Variants in TGFA observed in about 807,000 individuals in gnomAD.
TGFA encodes protransforming growth factor alpha.
TGFA carries 12 observed loss-of-function variants against 21.7 expected under a neutral mutation model. The ratio of observed to expected loss-of-function variants is 0.55; its 90% CI spans 0.35 to 0.90. TGFA has a LOEUF of 0.90. Ranked by LOEUF, TGFA falls within the 40% of genes least tolerant of loss-of-function variation. The pLI, the probability that TGFA is intolerant of heterozygous loss-of-function variation, is 0.01. For missense variants in TGFA, 178 were observed against 210.8 expected (o/e 0.84, Z 0.96); for synonymous variants, 79 against 88.1 (o/e 0.90, Z 0.58).
chr2:70,473,348 A>T (rs1412391404), intron 2 of TGFA, among the ~76,000 whole-genome samples: 2 of 151,982 alleles, frequency 1.3e-5, no homozygotes, highest in African/African-American at 4.8e-5. Flanking sequence ...GCCCAGAGAG[A>T]CTTGGTGAGC....
intron 2 of TGFA, among the ~76,000 whole-genome samples, chr2:70,491,712 T>C (rs1671443214): frequency 6.6e-6 from 1 of 152,178 alleles, no homozygotes; most frequent in Non-Finnish European, 1.5e-5. Flanking sequence ...TGAAGGGCTC[T>C]TCCTTTATGA....
chr2:70,453,204 A>T lies in TGFA; in HGVS notation c.475+14T>A. The T allele has an allele frequency of 1.2e-6, 2 of 1,609,368 alleles. No individual in the cohort carries two copies. Reference sequence around the variant, plus strand: ...CACCCAATAGTGTCTCCCACCAGAGAAGAGTCTCCTTACCTGTTTCTGAGT... The same window carrying T: ...CACCCAATAGTGTCTCCCACCAGAGTAGAGTCTCCTTACCTGTTTCTGAGT... On this transcript the variant is annotated intron_variant, in intron 5 of 5. Coordinates refer to ENST00000295400, the MANE Select transcript of TGFA (RefSeq NM_003236.4).
intron 2 of TGFA, among the ~76,000 whole-genome samples, chr2:70,492,823 T>C (rs1671473342): frequency 6.6e-6 from 1 of 152,234 alleles, no homozygotes; most frequent in Non-Finnish European, 1.5e-5. Flanking sequence ...CAATTGTGCT[T>C]CAAATGTGCT....
intron 2 of TGFA, among the ~76,000 whole-genome samples, chr2:70,506,668 G>A (rs1193059135): frequency 6.6e-6 from 1 of 152,190 alleles, no homozygotes; most frequent in Non-Finnish European, 1.5e-5. Flanking sequence ...ACAGTTGCAA[G>A]TGCTTTATAG....
chr2:70,533,631 G>A (rs1672882833), intron 1 of TGFA, among the ~76,000 whole-genome samples: 1 of 150,946 alleles, frequency 6.6e-6, no homozygotes, highest in Non-Finnish European at 1.5e-5. Context: ...ATAGGCTGCT[G>A]GTCTTGTTAA....
intron 1 of TGFA, among the ~76,000 whole-genome samples, chr2:70,520,161 A>G (rs1672403447): frequency 6.6e-6 from 1 of 152,134 alleles, no homozygotes; most frequent in Non-Finnish European, 1.5e-5. Flanking sequence ...GAAGTTCAGG[A>G]TGATGAGGAG....
chr2:70,524,402 C>G (rs868944403), intron 1 of TGFA, among the ~76,000 whole-genome samples: 3 of 152,250 alleles, frequency 2.0e-5, no homozygotes, highest in Admixed American at 6.5e-5. Flanking sequence ...GGGCTGGGTA[C>G]TGAGTCAACC....
intron 3 of TGFA, among the ~76,000 whole-genome samples, chr2:70,457,538 G>A (rs1332533895): frequency 2.7e-5 from 4 of 146,354 alleles, no homozygotes; most frequent in African/African-American, 7.5e-5. Context: ...TTTGCCAGGC[G>A]GGACTTCTTT....
At chr2:70,537,192 A>C (rs1314798254) in intron 1 of TGFA, among the ~76,000 whole-genome samples, 3 of 152,054 alleles carry the variant, frequency 2.0e-5, no homozygotes, top group Non-Finnish European at 4.4e-5. Flanking sequence ...ACACCCGTAG[A>C]AGACAGCAAA....
At chr2:70,489,489 C>T (rs1157173924) in intron 2 of TGFA, among the ~76,000 whole-genome samples, 1 of 152,206 alleles carries the variant, frequency 6.6e-6, no homozygotes, top group Admixed American at 6.5e-5. Context: ...AAGGCGGGGG[C>T]GCCCCAGTCT....
chr2:70,453,442 C>A, intron 4 of TGFA, 115 bp from the exon 5 acceptor site: 1 of 793,082 alleles, frequency 1.3e-6, no homozygotes, highest in Non-Finnish European at 2.0e-6. Context: ...AGCTCCAAAC[C>A]AGCTCCCCAT....
At chr2:70,511,650 T>C (rs985096037) in intron 2 of TGFA, among the ~76,000 whole-genome samples, 1 of 152,186 alleles carries the variant, frequency 6.6e-6, no homozygotes, top group Non-Finnish European at 1.5e-5. Context: ...TTTAAAAGGC[T>C]TTATCTGTTA....
At chr2:70,532,859 CTTTTTCT>C (rs1672854261) in intron 1 of TGFA, among the ~76,000 whole-genome samples, 1 of 94,160 alleles carries the variant, frequency 1.1e-5, no homozygotes, top group Non-Finnish European at 2.1e-5. Flanking sequence ...AGTGTATATT[CTTTTTCT>C]TTTTTTTTTT....
At chr2:70,496,458 A>G (rs1671582246) in intron 2 of TGFA, among the ~76,000 whole-genome samples, 2 of 152,194 alleles carry the variant, frequency 1.3e-5, no homozygotes, top group African/African-American at 4.8e-5. Flanking sequence ...TCATGCTATT[A>G]TACCTATGAA....
chr2:70,505,526 G>A (rs1037318359), intron 2 of TGFA, among the ~76,000 whole-genome samples: 8 of 152,020 alleles, frequency 5.3e-5, no homozygotes, highest in Admixed American at 2.0e-4. Flanking sequence ...AGCAATACCC[G>A]ACAAGTTTCA....
rs983143141 is a variant in TGFA, at chr2:70,450,603, C to T, written c.*256G>A. ...CACCTCACCTAGGTGAACAGGAGTC[C>T]GTCTCTTTGCAGTTCTTTTTTAACA... On this transcript the variant is annotated 3_prime_UTR_variant, in exon 6 of 6. Transcript: ENST00000295400. 59 of 508,916 alleles carry T rather than the reference C, an allele frequency of 1.2e-4. No individual in the cohort carries two copies. The highest frequency in any genetic ancestry group is 5.7e-4 in the Admixed American group (18 of 31,854). The allele number at this position is 508,916 out of a possible 1,614,324, so 31.5% of individuals were successfully genotyped here. A position where few individuals can be genotyped will look rare whatever the true frequency, so the allele number is the denominator to read the frequency against.
chr2:70,521,178 T>C (rs1179888882), intron 1 of TGFA, among the ~76,000 whole-genome samples: 1 of 152,096 alleles, frequency 6.6e-6, no homozygotes, highest in African/African-American at 2.4e-5. Context: ...CTCCATGGGC[T>C]CTGTACCACT....
At chr2:70,514,617 C>A (rs1463403967) in intron 2 of TGFA, among the ~76,000 whole-genome samples, 2 of 152,114 alleles carry the variant, frequency 1.3e-5, no homozygotes, top group Admixed American at 1.3e-4. Context: ...ATTGTCTGAA[C>A]AGCTGAAGAG....
chr2:70,498,860 A>G lies in TGFA; in HGVS notation c.94+15999T>C, dbSNP rs75366844. ...TCGGTCTGTGTTAGAGTCAGGATTCAAGAGTCCTTCCCTCTTTTTCCCCTA... is the reference window on the plus strand; with the variant it reads ...TCGGTCTGTGTTAGAGTCAGGATTCGAGAGTCCTTCCCTCTTTTTCCCCTA... On this transcript the variant is annotated intron_variant, in intron 2 of 5. Transcript: ENST00000295400. 6.0e-3 allele frequency among the ~76,000 whole-genome samples: 909 copies of G among 152,284 alleles called. 2 individuals carry two copies. The highest frequency in any genetic ancestry group is 0.019 in the South Asian group (91 of 4,822).
Sources: gnomAD v4.1 joint callset for allele counts (sites outside exome capture counted in the v4.1 genomes callset) on GRCh38, gnomAD v4.1.1 for gene constraint, MANE v1.5 for transcripts, NCBI Gene and HGNC (gene_info 2026-07-23, HGNC 2026-07-21) for gene names.